DLC1: variants seen among roughly 807,000 people sequenced by gnomAD.
The protein encoded by DLC1 is DLC1 Rho GTPase activating protein, also known as rho GTPase-activating protein 7.
DLC1 carries 54 observed loss-of-function variants against 140.3 expected under a neutral mutation model. The observed-to-expected ratio is 0.38, with a 90% CI of 0.31 to 0.48. The LOEUF (loss-of-function observed/expected upper bound fraction) is 0.48, where lower values mean the gene tolerates loss of function less well. DLC1 is among the 20% of genes least tolerant of loss of function. DLC1 has a pLI of 0.96. For missense variants in DLC1, 2,536 were observed against 1,907.0 expected (o/e 1.33, Z -6.14); for synonymous variants, 986 against 728.1 (o/e 1.35, Z -5.70).
intron 2 of DLC1, among the ~76,000 whole-genome samples, chr8:13,408,859 C>G (rs541793290): frequency 1.4e-3 from 211 of 152,198 alleles, no homozygotes; most frequent in African/African-American, 4.9e-3. Context: ...GCAGACAAGA[C>G]TTTTCTTGGT....
chr8:13,536,657 C>G (rs960739389), intron 1 of DLC1, among the ~76,000 whole-genome samples: 1 of 152,200 alleles, frequency 6.6e-6, no homozygotes, highest in African/African-American at 2.4e-5. Flanking sequence ...TCCCCCTGGT[C>G]AAAGGCTGCT....
intron 5 of DLC1, among the ~76,000 whole-genome samples, chr8:13,140,609 C>T (rs1183949227): frequency 6.6e-6 from 1 of 151,900 alleles, no homozygotes; most frequent in South Asian, 2.1e-4. Context: ...GGGATATTAA[C>T]CATGTGCCAT....
At chr8:13,596,078 A>G (rs1805671121) in intron 1 of DLC1, among the ~76,000 whole-genome samples, 1 of 152,058 alleles carries the variant, frequency 6.6e-6, no homozygotes, top group South Asian at 2.1e-4. Context: ...ACTAAGTTTC[A>G]GTTGGATTTG....
At chr8:13,186,912 C>T (rs1186521678) in intron 5 of DLC1, among the ~76,000 whole-genome samples, 2 of 152,206 alleles carry the variant, frequency 1.3e-5, no homozygotes, top group Admixed American at 6.5e-5. Context: ...TCAGGTCCCT[C>T]AGCTGCAGGT....
Position 13,498,969 on chromosome 8 carries a change from A to T in DLC1, c.1023+80T>A, listed in dbSNP as rs779098675. ...AAAGAACCATCTTCATATCTTTTTA[A>T]TCCAAGCAAAATGATAACTGATAAA... On this transcript the variant is annotated intron_variant, in intron 2 of 17. Coordinates refer to ENST00000276297, the MANE Select transcript of DLC1 (RefSeq NM_182643.3). 5.4e-6 allele frequency: 8 copies of T among 1,472,700 alleles called. No homozygotes were observed. The Admixed American group carries it at 1.7e-4, about 31-fold the overall frequency. The allele number at this position is 1,472,700 out of a possible 1,614,324, so 91.2% of individuals were successfully genotyped here. A position where few individuals can be genotyped will look rare whatever the true frequency, so the allele number is the denominator to read the frequency against.
intron 5 of DLC1, among the ~76,000 whole-genome samples, chr8:13,152,063 T>G (rs1823860736): frequency 6.6e-6 from 1 of 152,236 alleles, no homozygotes; most frequent in African/African-American, 2.4e-5. Flanking sequence ...TTGGACAGTA[T>G]GAACTTCCCC....
intron 4 of DLC1, among the ~76,000 whole-genome samples, chr8:13,350,709 C>G (rs879733351): frequency 6.6e-6 from 1 of 151,090 alleles, no homozygotes; most frequent in African/African-American, 2.5e-5. Flanking sequence ...GAGCAAGACT[C>G]GATCTTAAAA....
At chr8:13,393,363 A>T (rs923359698) in intron 4 of DLC1, among the ~76,000 whole-genome samples, 190 bp downstream of exon 4, 2 of 152,220 alleles carry the variant, frequency 1.3e-5, no homozygotes, top group Non-Finnish European at 2.9e-5. Flanking sequence ...TCAGTGAAGT[A>T]CTTGTGTTAT....
At chr8:13,558,317 A>T (rs551399772) in intron 1 of DLC1, 1 of 152,170 alleles carries the variant, frequency 6.6e-6, no homozygotes, top group Non-Finnish European at 1.5e-5. Context: ...TGGAGAAGGG[A>T]TTGAAGAGAA....
chr8:13,479,453 C>T (rs1420886346), intron 2 of DLC1, among the ~76,000 whole-genome samples: 1 of 152,040 alleles, frequency 6.6e-6, no homozygotes, highest in African/African-American at 2.4e-5. Context: ...TGGGCTGAAA[C>T]AACAGAAACA....
At chr8:13,133,261 C>A in intron 5 of DLC1, 2 of 1,343,364 alleles carry the variant, frequency 1.5e-6, no homozygotes, top group South Asian at 1.7e-5. Context: ...GGGAGCGAAG[C>A]GCCCTCGCTC....
intron 1 of DLC1, among the ~76,000 whole-genome samples, chr8:13,564,192 A>G (rs1199557013): frequency 2.0e-5 from 3 of 152,236 alleles, no homozygotes; most frequent in Non-Finnish European, 2.9e-5. Flanking sequence ...AACACCAAAG[A>G]TGCAGAAAAC....
chr8:13,181,241 C>A (rs933402079), intron 5 of DLC1, among the ~76,000 whole-genome samples: 1 of 152,014 alleles, frequency 6.6e-6, no homozygotes, highest in Non-Finnish European at 1.5e-5. Flanking sequence ...AGCTCTTCCC[C>A]CAGCAAGCAC....
rs548134277 is a variant in DLC1 at position 13,191,139 on chromosome 8, T to C, written c.1349-75482A>G. ...ACTGGTAATAGCAAAGAAAGTGGAG[T>C]TCCTGAGGCCTCTTCGTAGCCACAT... On this transcript the variant is annotated intron_variant, in intron 5 of 17. Transcript: ENST00000276297. 2.0e-3 allele frequency among the ~76,000 whole-genome samples: 306 copies of C among 152,100 alleles called. 1 individual carries two copies. Among genetic ancestry groups the C allele is most frequent in the African/African-American group, 7.2e-3 (300 of 41,494 alleles).
At chr8:13,366,534 A>C (rs1175192081) in intron 4 of DLC1, among the ~76,000 whole-genome samples, 3 of 152,224 alleles carry the variant, frequency 2.0e-5, no homozygotes, top group Non-Finnish European at 4.4e-5. Flanking sequence ...AAATTAACAG[A>C]AAAGCTGGGG....
At chr8:13,493,851 T>A (rs567591372) in intron 2 of DLC1, among the ~76,000 whole-genome samples, 37 of 152,268 alleles carry the variant, frequency 2.4e-4, no homozygotes, top group Admixed American at 2.2e-3. Flanking sequence ...CCCATCAGCA[T>A]TCAGGGGATA....
At chr8:13,210,040 T>G (rs749257903) in intron 5 of DLC1, among the ~76,000 whole-genome samples, 1 of 152,170 alleles carries the variant, frequency 6.6e-6, no homozygotes, top group Non-Finnish European at 1.5e-5. Flanking sequence ...TTGCTAAATT[T>G]TGGTGTTTGG....
At chr8:13,113,898 T>C (rs1306217312) in intron 6 of DLC1, among the ~76,000 whole-genome samples, 1 of 152,202 alleles carries the variant, frequency 6.6e-6, no homozygotes, top group Non-Finnish European at 1.5e-5. Context: ...GGAAAAAATA[T>C]CACAATCAGT....
intron 5 of DLC1, among the ~76,000 whole-genome samples, chr8:13,245,453 C>G (rs1829725355): frequency 6.6e-6 from 1 of 152,176 alleles, no homozygotes; most frequent in Admixed American, 6.5e-5. Context: ...GGTTTTGCAG[C>G]AATAGTAAAA....
Sources: allele counts gnomAD v4.1 joint callset (sites outside exome capture counted in the v4.1 genomes callset), GRCh38; gene constraint gnomAD v4.1.1; transcripts MANE v1.5; gene names NCBI Gene and HGNC (gene_info 2026-07-23, HGNC 2026-07-21).